Variants in NMNAT1 observed in about 807,000 individuals in gnomAD.
NMNAT1 encodes nicotinamide nucleotide adenylyltransferase 1.
Under a neutral mutation model 16.7 loss-of-function variants are expected in NMNAT1, and 11 were observed. That is an observed-to-expected ratio of 0.66 (90% CI 0.41 to 1.09). The LOEUF is 1.09. NMNAT1 is among the 50% of genes least tolerant of loss of function. NMNAT1 has a pLI of 0.00. For synonymous variants in NMNAT1, 110 were observed against 119.8 expected, an observed-to-expected ratio of 0.92 and a Z score of 0.53; for missense variants, 280 against 332.3, an observed-to-expected ratio of 0.84 and a Z score of 1.22.
At chr1:9,957,829 T>A (rs775279159) in intron 1 of NMNAT1, among the ~76,000 whole-genome samples, 9 of 152,178 alleles carry the variant, frequency 5.9e-5, no homozygotes, top group Non-Finnish European at 1.3e-4. Context: ...ATTAACAGAC[T>A]GTTTCCGCTA....
At chr1:9,986,176 A>T (rs1026101253), downstream of NMNAT1, among the ~76,000 whole-genome samples, 1 of 152,218 alleles carries the variant, frequency 6.6e-6, no homozygotes, top group Non-Finnish European at 1.5e-5. Context: ...ATTTTTCCAA[A>T]ACAATGGATA....
chr1:9,966,960 G>A (rs1162753520), intron 1 of NMNAT1, among the ~76,000 whole-genome samples: 5 of 151,846 alleles, frequency 3.3e-5, no homozygotes, highest in Non-Finnish European at 5.9e-5. Context: ...ACAGTGGCTC[G>A]AGCCTGTAAT....
chr1:9,949,049 C>T (rs1641044585), intron 1 of NMNAT1, among the ~76,000 whole-genome samples: 1 of 151,458 alleles, frequency 6.6e-6, no homozygotes, highest in African/African-American at 2.4e-5. Context: ...GCAGGTGGAT[C>T]ACCTGACGTC....
the NMNAT1 span, among the ~76,000 whole-genome samples, chr1:9,991,185 A>AT: frequency 1.7e-4 from 24 of 139,650 alleles, no homozygotes; most frequent in African/African-American, 6.0e-4. Flanking sequence ...AGTCAGCTGA[A>AT]TTTTTTTTTT....
At chr1:9,973,625 G>T (rs1224708663) in intron 2 of NMNAT1, among the ~76,000 whole-genome samples, 2 of 147,454 alleles carry the variant, frequency 1.4e-5, no homozygotes, top group Admixed American at 1.4e-4. Context: ...GGAGGATGGC[G>T]TGAACCTGGG....
chr1:9,945,231 T>TA (rs1177458981), intron 1 of NMNAT1, among the ~76,000 whole-genome samples: 4 of 151,502 alleles, frequency 2.6e-5, no homozygotes, highest in African/African-American at 4.8e-5. Context: ...AACTCCGTCT[T>TA]AAAAAAACAA....
intron 1 of NMNAT1, among the ~76,000 whole-genome samples, chr1:9,944,232 C>T (rs1341962732): frequency 6.6e-6 from 1 of 151,726 alleles, no homozygotes; most frequent in South Asian, 2.1e-4. Flanking sequence ...CCAGCCGGGG[C>T]GACAGTTCGA....
chr1:9,948,743 G>A (rs1641036280), intron 1 of NMNAT1, among the ~76,000 whole-genome samples: 1 of 151,168 alleles, frequency 6.6e-6, no homozygotes, highest in Non-Finnish European at 1.5e-5. Context: ...TCCGCCTCCT[G>A]GGTTCATGTG....
At chr1:9,979,819 T>C (rs1334244398) in intron 3 of NMNAT1, among the ~76,000 whole-genome samples, 5 of 148,972 alleles carry the variant, frequency 3.4e-5, no homozygotes, top group African/African-American at 1.2e-4. Context: ...AAAAAAAAAA[T>C]TGTTATTGAA....
intron 1 of NMNAT1, chr1:9,955,900 C>T (rs1322771575): frequency 6.6e-6 from 1 of 151,876 alleles, no homozygotes; most frequent in East Asian, 1.9e-4. Flanking sequence ...AAGATCTGGG[C>T]CTAAAAGTCA....
the NMNAT1 span, among the ~76,000 whole-genome samples, chr1:9,992,208 G>A: frequency 9.3e-5 from 14 of 150,946 alleles, no homozygotes; most frequent in African/African-American, 2.9e-4. Context: ...TCAGTCTCCC[G>A]AGTAGCTGGG....
At chr1:9,977,567 A>G (rs1293729380) in intron 3 of NMNAT1, among the ~76,000 whole-genome samples, 5 of 152,092 alleles carry the variant, frequency 3.3e-5, no homozygotes, top group African/African-American at 4.8e-5. Flanking sequence ...TTAGGCAAAA[A>G]GTACTTAAAA....
the NMNAT1 span, among the ~76,000 whole-genome samples, chr1:9,990,807 G>A: frequency 6.6e-6 from 1 of 152,186 alleles, no homozygotes; most frequent in Non-Finnish European, 1.5e-5. Context: ...AGTCTTGGCT[G>A]TAATCTTCTG....
rs911921096 is a variant in NMNAT1, at chr1:9,970,474, C to A, written c.-56-1544C>A. Among the ~76,000 whole-genome samples, 4 of 152,022 alleles carry A rather than the reference C, an allele frequency of 2.6e-5. No homozygotes were observed. The South Asian group carries it at 8.3e-4, about 32-fold the overall frequency. The stretch of plus-strand genomic sequence containing the variant: ...CTTTGGGAAGCTGAGGCAGGCGGAT[C>A]ACAAGGTCAGGAGATGAAGACCATC... On this transcript the variant is annotated intron_variant, in intron 1 of 4. Transcript: ENST00000377205.
downstream of NMNAT1, chr1:9,985,557 G>C (rs1642034548): frequency 6.6e-6 from 1 of 152,198 alleles, no homozygotes; most frequent in African/African-American, 2.4e-5. Context: ...GAAGGACTAG[G>C]CTGAACTTGC....
chr1:9,977,950 G>A (rs993923206), intron 3 of NMNAT1, among the ~76,000 whole-genome samples: 4 of 152,108 alleles, frequency 2.6e-5, no homozygotes, highest in Non-Finnish European at 5.9e-5. Flanking sequence ...AACCAATTCC[G>A]CTTCTGCTGC....
chr1:9,978,693 T>C (rs1641868058), intron 3 of NMNAT1, among the ~76,000 whole-genome samples: 2 of 152,170 alleles, frequency 1.3e-5, no homozygotes, highest in African/African-American at 4.8e-5. Flanking sequence ...TTATTGCCCA[T>C]TAAATAGTCA....
intron 1 of NMNAT1, among the ~76,000 whole-genome samples, chr1:9,964,012 C>T (rs1018675545): frequency 8.6e-5 from 13 of 151,906 alleles, no homozygotes; most frequent in African/African-American, 2.9e-4. Context: ...GTGCCTCAGC[C>T]TCCCAAGTAG....
the NMNAT1 span, among the ~76,000 whole-genome samples, chr1:9,995,838 C>T: frequency 6.6e-6 from 1 of 151,774 alleles, no homozygotes; most frequent in South Asian, 2.1e-4. Context: ...ACCAGCCTAG[C>T]CAACATGATG....
Sources: allele counts gnomAD v4.1 joint callset (sites outside exome capture counted in the v4.1 genomes callset), GRCh38; gene constraint gnomAD v4.1.1; transcripts MANE v1.5; gene names NCBI Gene and HGNC (gene_info 2026-07-23, HGNC 2026-07-21).